SLC22A24: variants seen among roughly 807,000 people sequenced by gnomAD.
The protein encoded by SLC22A24 is solute carrier family 22 member 24.
In SLC22A24, 53 loss-of-function variants were observed where a neutral mutation model predicts 49.8. The observed-to-expected ratio is 1.06, with a 90% CI of 0.85 to 1.34. The LOEUF is 1.34. SLC22A24 is among the 40% of genes most tolerant of loss of function. The pLI is 0.00. For missense variants in SLC22A24, 786 were observed against 675.9 expected, an observed-to-expected ratio of 1.16 and a Z score of -1.81; for synonymous variants, 302 against 256.4, an observed-to-expected ratio of 1.18 and a Z score of -1.70.
intron 2 of SLC22A24, among the ~76,000 whole-genome samples, chr11:63,122,246 A>C (rs2087257235): frequency 6.6e-6 from 1 of 152,156 alleles, no homozygotes; most frequent in Admixed American, 6.5e-5. Flanking sequence ...AGACCTGACC[A>C]TAAAAGGTCC....
At chr11:63,115,936 C>G (rs533846415) in intron 4 of SLC22A24, 158 of 310,030 alleles carry the variant, frequency 5.1e-4, no homozygotes, top group Non-Finnish European at 6.1e-4. Context: ...GGAACTGAAG[C>G]TGGAGCTGCA....
rs374808719 is a variant in SLC22A24 at position 63,096,098 on chromosome 11, T to C, written c.963A>G (p.Arg321=). ...CATCCAACTCCTTCTTCATGGTGGA[T>C]CTCACAAGCTTCAGCAACAAAAATA... ...TEETLTTELV[R]STMKKELDAV... is the part of the protein sequence containing the mutation. Residue 321 remains arginine, a synonymous_variant, in exon 6 of 10, where the codon AGA becomes AGG. Coordinates refer to ENST00000612278, the MANE Select transcript of SLC22A24 (RefSeq NM_001136506.2). 10 of 1,548,416 alleles carry C rather than the reference T, an allele frequency of 6.5e-6. No individual in the cohort carries two copies. Among genetic ancestry groups the C allele is most frequent in the Non-Finnish European group, 7.9e-6 (9 of 1,144,270 alleles).
At position 63,143,477 on chromosome 11, in the gene SLC22A24, C is replaced by T; in HGVS notation, c.303G>A (p.Leu101=). Residue 101 remains leucine, a synonymous_variant, in exon 1 of 10, where the codon CTG becomes CTA. Coordinates refer to ENST00000612278, the MANE Select transcript of SLC22A24 (RefSeq NM_001136506.2). The part of the protein sequence containing the change: ...FIHPQWQLLH[L]NGTFPNTNEP... ...CATTTGTGTTGGGGAAGGTCCCGTTCAGGTGAAGGAGCTGCCACTGGGGAT... is the reference window on the plus strand; with the variant it reads ...CATTTGTGTTGGGGAAGGTCCCGTTTAGGTGAAGGAGCTGCCACTGGGGAT... 6.3e-7 allele frequency: 1 copy of T among 1,599,766 alleles called. No individual in the cohort carries two copies. The highest frequency in any genetic ancestry group is 8.5e-7 in the Non-Finnish European group (1 of 1,173,214).
intron 2 of SLC22A24, among the ~76,000 whole-genome samples, chr11:63,120,332 T>C (rs1429693864): frequency 3.4e-5 from 5 of 145,248 alleles, no homozygotes; most frequent in African/African-American, 7.6e-5. Context: ...AGGGATAGCA[T>C]TGGGAGATAT....
At chr11:63,082,140 T>C (rs1341988398) in intron 7 of SLC22A24, among the ~76,000 whole-genome samples, 1 of 152,178 alleles carries the variant, frequency 6.6e-6, no homozygotes, top group Non-Finnish European at 1.5e-5. Context: ...AGTTTAGAGC[T>C]AAGAATGTGG....
Position 63,083,441 on chromosome 11 carries a change from G to C in SLC22A24, c.1087C>G (p.Pro363Ala). 6.4e-7 allele frequency: 1 copy of C among 1,551,140 alleles called. No homozygotes were observed. ...LCFVRFAITV[P>A]FYGLILNLQH... ...AAGTTGAGTATCAGGCCATAAAAGGGTACAGTGATTGCGAATCTGAAGTGA... is the reference window on the plus strand; with the variant it reads ...AAGTTGAGTATCAGGCCATAAAAGGCTACAGTGATTGCGAATCTGAAGTGA... Residue 363 changes from proline (P) to alanine (A), a missense_variant, in exon 7 of 10, where the codon CCC (proline) becomes GCC (alanine). Transcript: ENST00000612278.
rs74434787 is a variant in SLC22A24, at chr11:63,119,235, G to A, written c.607C>T (p.Arg203Cys). 67 of 1,551,122 alleles carry A rather than the reference G, an allele frequency of 4.3e-5. No individual in the cohort carries two copies. Among genetic ancestry groups the A allele is most frequent in the African/African-American group, 8.2e-5 (6 of 73,108 alleles). Reference protein sequence around the residue: ...APTFLVYCILRFLAGFSTMTI... With the variant: ...APTFLVYCILCFLAGFSTMTI... ...ATGGTGGAGAACCCTGCCAAGAAGCGCAGTATGCAGTAAACAAGGAAGGTG... is the reference window on the plus strand; with the variant it reads ...ATGGTGGAGAACCCTGCCAAGAAGCACAGTATGCAGTAAACAAGGAAGGTG... The change falls in exon 3 of 10, where the codon CGC becomes TGC. Residue 203 changes from arginine (R) to cysteine (C), a missense_variant. By Grantham distance (180) the Arg-to-Cys change is radical. Transcript: ENST00000612278.
intron 2 of SLC22A24, among the ~76,000 whole-genome samples, chr11:63,123,968 T>C (rs1590745750): frequency 1.3e-5 from 2 of 152,144 alleles, no homozygotes; most frequent in South Asian, 4.1e-4. Context: ...GATCGAGAAA[T>C]TTACTGAGAG....
chr11:63,134,357 T>A (rs2087358119), intron 2 of SLC22A24, among the ~76,000 whole-genome samples: 1 of 152,156 alleles, frequency 6.6e-6, no homozygotes, highest in Non-Finnish European at 1.5e-5. Flanking sequence ...TTGAACTAAC[T>A]CCTACAAGTA....
intron 4 of SLC22A24, among the ~76,000 whole-genome samples, chr11:63,110,895 A>T (rs2087158426): frequency 6.8e-6 from 1 of 147,232 alleles, no homozygotes; most frequent in Admixed American, 6.8e-5. Flanking sequence ...GTTGAATAGG[A>T]GTGGTGAGAG....
chr11:63,130,145 G>C (rs375475188), intron 2 of SLC22A24, among the ~76,000 whole-genome samples: 1 of 152,094 alleles, frequency 6.6e-6, no homozygotes, highest in Non-Finnish European at 1.5e-5. Flanking sequence ...TTTGAGATAC[G>C]TTCCATCTAT....
intron 5 of SLC22A24, among the ~76,000 whole-genome samples, chr11:63,096,804 G>C (rs369566315): frequency 2.6e-5 from 4 of 152,272 alleles, no homozygotes; most frequent in Admixed American, 1.3e-4. Context: ...TTGGAAAGGA[G>C]ATGGTTTTAG....
At chr11:63,131,614 T>G (rs10792396) in intron 2 of SLC22A24, among the ~76,000 whole-genome samples, 121,220 of 152,142 alleles carry the variant, frequency 0.8, 49,347 homozygotes, top group East Asian at 0.9. Context: ...CCCCCAATCT[T>G]TTCTGGCTTG....
intron 1 of SLC22A24, 58 bp from the exon 2 acceptor site, chr11:63,134,826 G>A: frequency 8.2e-7 from 1 of 1,223,898 alleles, no homozygotes; most frequent in Non-Finnish European, 1.2e-6. Flanking sequence ...CTCTTTAGTA[G>A]AAACTGACTC....
rs1346038731 is a variant in SLC22A24 at position 63,113,067 on chromosome 11, TAC to T, written c.830+5843_830+5844del. Reference sequence around the variant, plus strand: ...ATATATATATATACATATATATATATACATATATATACACATATATATACATA... The same window carrying T: ...ATATATATATATACATATATATATATATATATATACACATATATATACATA... On this transcript the variant is annotated intron_variant, in intron 4 of 9. Coordinates refer to ENST00000612278, the MANE Select transcript of SLC22A24 (RefSeq NM_001136506.2). Among the ~76,000 whole-genome samples the T allele has an allele frequency of 1.4e-3, 2 of 1,396 alleles. 1 individual carries two copies. Among genetic ancestry groups the T allele is most frequent in the African/African-American group, 1.7e-3 (2 of 1,206 alleles). 0.9% of individuals were successfully genotyped at this position (1,396 alleles called of 152,430 possible).
At chr11:63,096,867 A>G (rs1005632658) in intron 5 of SLC22A24, among the ~76,000 whole-genome samples, 1 of 152,156 alleles carries the variant, frequency 6.6e-6, no homozygotes, top group Non-Finnish European at 1.5e-5. Context: ...TATATTACTT[A>G]TCTCAGGTGC....
intron 4 of SLC22A24, among the ~76,000 whole-genome samples, chr11:63,114,407 A>G (rs1010157173): frequency 5.9e-5 from 9 of 152,116 alleles, no homozygotes; most frequent in African/African-American, 1.4e-4. Context: ...CATGGTTTTC[A>G]GCTCCATCAG....
intron 7 of SLC22A24, 44 bp downstream of exon 7, chr11:63,083,199 A>T (rs1341808332): frequency 1.4e-6 from 2 of 1,472,598 alleles, no homozygotes; most frequent in South Asian, 2.4e-5. Context: ...TCCCTGGAGA[A>T]TGGGGGTAAC....
intron 2 of SLC22A24, among the ~76,000 whole-genome samples, chr11:63,127,528 G>C (rs532131235): frequency 6.6e-6 from 1 of 152,228 alleles, no homozygotes; most frequent in East Asian, 1.9e-4. Context: ...GGTACTTCTA[G>C]TTCTAGAACC....
Sources: allele counts gnomAD v4.1 joint callset (sites outside exome capture counted in the v4.1 genomes callset), GRCh38; gene constraint gnomAD v4.1.1; transcripts MANE v1.5; gene names NCBI Gene and HGNC (gene_info 2026-07-23, HGNC 2026-07-21).